The following SNX29 variants were observed in gnomAD, a reference collection of about 807,000 sequenced individuals.
The protein encoded by SNX29 is sorting nexin 29, also known as sorting nexin-29.
A neutral mutation model predicts 102.1 loss-of-function variants in SNX29; 78 were observed. That is an observed-to-expected ratio of 0.76 (90% confidence interval 0.64 to 0.92). The LOEUF (loss-of-function observed/expected upper bound fraction) is 0.92, where lower values mean the gene tolerates loss of function less well. Ranked by LOEUF, SNX29 falls within the 40% of genes least tolerant of loss-of-function variation. SNX29 has a pLI of 0.00. For missense variants in SNX29, 1,280 were observed against 1,061.7 expected, an observed-to-expected ratio of 1.21 and a Z score of -2.86; for synonymous variants, 580 against 414.5, an observed-to-expected ratio of 1.40 and a Z score of -4.85.
chr16:12,049,525 G>T (rs941773078), intron 7 of SNX29, among the ~76,000 whole-genome samples: 3 of 152,032 alleles, frequency 2.0e-5, no homozygotes, highest in Non-Finnish European at 4.4e-5. Context: ...CAGAGACAGG[G>T]TTTCCCCATG....
rs550457377 is a variant in SNX29, at chr16:12,518,325, C to G, written c.2179-6377C>G. Among the ~76,000 whole-genome samples, 3 of 152,314 alleles carry G rather than the reference C, an allele frequency of 2.0e-5. No homozygotes were observed. The South Asian group carries it at 6.2e-4, about 32-fold the overall frequency. On this transcript the variant is annotated intron_variant, in intron 19 of 20. Coordinates refer to ENST00000566228, the MANE Select transcript of SNX29 (RefSeq NM_032167.5). ...GTTTTACTGCTGCTCACACTGCAGT[C>G]TTACACCTCTGGAGCCGCTAAACCC...
chr16:12,419,705 C>G (rs1051852093), intron 18 of SNX29, among the ~76,000 whole-genome samples: 1 of 152,132 alleles, frequency 6.6e-6, no homozygotes, highest in Non-Finnish European at 1.5e-5. Context: ...GGGAAAGGCC[C>G]CTGTTTCTTC....
At chr16:12,169,504 T>C (rs1294477930) in intron 13 of SNX29, among the ~76,000 whole-genome samples, 1 of 152,028 alleles carries the variant, frequency 6.6e-6, no homozygotes, top group Non-Finnish European at 1.5e-5. Context: ...GTGAAGTGGC[T>C]TTGTCTTCGG....
chr16:12,531,137 A>G (rs1394427478), intron 20 of SNX29, among the ~76,000 whole-genome samples: 1 of 152,218 alleles, frequency 6.6e-6, no homozygotes, highest in East Asian at 1.9e-4. Flanking sequence ...CCAATTTGAT[A>G]TGCAGGGTTT....
chr16:12,201,599 G>A (rs1428289103), intron 14 of SNX29, among the ~76,000 whole-genome samples: 6 of 152,214 alleles, frequency 3.9e-5, no homozygotes, highest in Non-Finnish European at 5.9e-5. Context: ...CTGTGCAGAG[G>A]AATTGCCTGG....
At position 12,403,537 on chromosome 16, in the gene SNX29, C is replaced by T. The variant is rs1435105853; in HGVS notation, c.2037+8C>T. 1.9e-6 allele frequency: 3 copies of T among 1,599,308 alleles called. No individual in the cohort carries two copies. Among genetic ancestry groups the T allele is most frequent in the South Asian group, 2.3e-5 (2 of 88,142 alleles). On this transcript the variant is annotated splice_region_variant and intron_variant, in intron 18 of 20. Coordinates refer to ENST00000566228, the MANE Select transcript of SNX29 (RefSeq NM_032167.5). ...GCATTCCACGTGTATCAGGTGAGTG[C>T]CTGGTTTTCAGGTGGACATCACAGC...
intron 13 of SNX29, among the ~76,000 whole-genome samples, chr16:12,133,788 G>A (rs1221031035): frequency 1.3e-5 from 2 of 152,134 alleles, no homozygotes; most frequent in Non-Finnish European, 2.9e-5. Context: ...AACAGCGATA[G>A]TGCAGAAAGA....
chr16:12,563,827 A>T (rs4780448), intron 20 of SNX29, among the ~76,000 whole-genome samples: 2 of 152,124 alleles, frequency 1.3e-5, no homozygotes, highest in East Asian at 1.9e-4. Flanking sequence ...TTATTTATTC[A>T]GGCTGCCTGT....
chr16:12,462,733 G>A (rs2086862563), intron 18 of SNX29, among the ~76,000 whole-genome samples: 2 of 152,178 alleles, frequency 1.3e-5, no homozygotes, highest in South Asian at 4.1e-4. Flanking sequence ...GACTTGGCAG[G>A]TGTTTGTATC....
chr16:12,247,605 A>G (rs1253214371), intron 14 of SNX29, among the ~76,000 whole-genome samples: 2 of 152,196 alleles, frequency 1.3e-5, no homozygotes, highest in Non-Finnish European at 2.9e-5. Flanking sequence ...TCCATGTTCC[A>G]TTTACCAAGT....
chr16:12,145,064 C>T (rs548370665), intron 13 of SNX29, among the ~76,000 whole-genome samples: 5 of 152,258 alleles, frequency 3.3e-5, no homozygotes, highest in South Asian at 4.2e-4. Flanking sequence ...TTTCAACGTG[C>T]GCCCACTGTT....
In SNX29 at chr16:12,134,529, T is replaced by C. The variant is rs537937741; in HGVS notation, c.1595+4771T>C. Among the ~76,000 whole-genome samples the C allele has an allele frequency of 2.0e-5, 3 of 152,306 alleles. No individual in the cohort carries two copies. The South Asian group carries it at 6.2e-4, about 32-fold the overall frequency. ...TGCCACGTGGGCCTCTCCGTGGGGC[T>C]GCTCCCAACACAGTAGCTGACTTCC... On this transcript the variant is annotated intron_variant, in intron 13 of 20. Coordinates refer to ENST00000566228, the MANE Select transcript of SNX29 (RefSeq NM_032167.5).
At chr16:12,515,568 T>C (rs1277518479) in intron 19 of SNX29, 2 of 492,146 alleles carry the variant, frequency 4.1e-6, no homozygotes, top group Non-Finnish European at 4.0e-6. Flanking sequence ...CTCTGCTTCC[T>C]GCATTGCCTC....
chr16:12,442,610 G>A (rs1269660615), intron 18 of SNX29, among the ~76,000 whole-genome samples: 2 of 150,666 alleles, frequency 1.3e-5, no homozygotes, highest in Non-Finnish European at 3.0e-5. Context: ...TTTGATATAG[G>A]GTCTCAGGCT....
rs1003760650 is a variant in SNX29, at chr16:12,573,360, C to A, written c.*4731C>A. ...GGAGTAGACAGTTACTTCTAAATCC[C>A]AGCAACCAAGTTGCGTATCCTTCCT... On this transcript the variant is annotated 3_prime_UTR_variant, in exon 21 of 21. Transcript: ENST00000566228. 1 of 225,100 alleles carries A rather than the reference C, an allele frequency of 4.4e-6. No individual in the cohort carries two copies. Among genetic ancestry groups the A allele is most frequent in the South Asian group, 1.8e-4 (1 of 5,460 alleles). The allele number at this position is 225,100 out of a possible 1,614,324, so 13.9% of individuals were successfully genotyped here.
In SNX29 at chr16:12,573,630, C is replaced by T. The variant is rs560433392; in HGVS notation, c.*5001C>T. On this transcript the variant is annotated 3_prime_UTR_variant, in exon 21 of 21. Transcript: ENST00000566228. ...CAGCTCTGCCGCTGGTCTCCATGAACGGCAAGGGGAACCACCACTCATTCA... is the reference window on the plus strand; with the variant it reads ...CAGCTCTGCCGCTGGTCTCCATGAATGGCAAGGGGAACCACCACTCATTCA... The T allele has an allele frequency of 3.2e-5, 7 of 221,274 alleles. No individual in the cohort carries two copies. The highest frequency in any genetic ancestry group is 6.3e-5 in the Non-Finnish European group (7 of 110,454). 13.7% of individuals were successfully genotyped at this position (221,274 alleles called of 1,614,324 possible).
chr16:12,139,522 A>G (rs2141488199), intron 13 of SNX29, among the ~76,000 whole-genome samples: 2 of 152,294 alleles, frequency 1.3e-5, no homozygotes, highest in South Asian at 4.1e-4. Flanking sequence ...AGAAATGTCA[A>G]TTCTTCCAGC....
In SNX29 at chr16:12,025,302, C is replaced by CAAAAAAAAAAAA. The variant is rs35724715; in HGVS notation, c.123-2007_123-1996dup. ...GGGCAACAAGAGCAAAACTCCATCT[C>CAAAAAAAAAAAA]AAAAAAAAAAAAAAAAAAAAAAGTG... On this transcript the variant is annotated intron_variant, in intron 3 of 20. Coordinates refer to ENST00000566228, the MANE Select transcript of SNX29 (RefSeq NM_032167.5). Among the ~76,000 whole-genome samples the CAAAAAAAAAAAA allele has an allele frequency of 1.7e-4, 10 of 60,594 alleles. 2 individuals carry two copies. Among genetic ancestry groups the CAAAAAAAAAAAA allele is most frequent in the African/African-American group, 2.8e-4 (4 of 14,056 alleles). The allele number at this position is 60,594 out of a possible 152,430, so 39.8% of individuals were successfully genotyped here.
intron 15 of SNX29, among the ~76,000 whole-genome samples, chr16:12,302,862 C>G (rs1471022471): frequency 6.6e-6 from 1 of 152,204 alleles, no homozygotes; most frequent in Admixed American, 6.5e-5. Context: ...AAAAGCACTT[C>G]TAGTTTAAGA....
Sources: gnomAD v4.1 joint callset for allele counts (sites outside exome capture counted in the v4.1 genomes callset) on GRCh38, gnomAD v4.1.1 for gene constraint, MANE v1.5 for transcripts, NCBI Gene and HGNC (gene_info 2026-07-23, HGNC 2026-07-21) for gene names.